Variants in CCNJL observed in about 807,000 individuals in gnomAD.
CCNJL encodes cyclin-J-like protein.
In CCNJL, 33 loss-of-function variants were observed where a neutral mutation model predicts 33.4. The ratio of observed to expected loss-of-function variants is 0.99; its 90% CI spans 0.75 to 1.32. The LOEUF (loss-of-function observed/expected upper bound fraction) is 1.32. Among genes scored for constraint, CCNJL ranks in the 40% most tolerant of loss-of-function variants. The pLI is 0.00. For missense variants in CCNJL, 512 were observed against 499.7 expected, an observed-to-expected ratio of 1.02 and a Z score of -0.23; for synonymous variants, 227 against 220.9, an observed-to-expected ratio of 1.03 and a Z score of -0.24.
intron 4 of CCNJL, 144 bp from the exon 5 acceptor site, chr5:160,255,852 A>AC (rs1761043008): frequency 4.1e-5 from 29 of 710,812 alleles, no homozygotes; most frequent in Non-Finnish European, 5.8e-5. Context: ...AGAAACTGTG[A>AC]AGTTCCATTT....
chr5:160,306,075 A>G (rs959810401), intron 2 of CCNJL, among the ~76,000 whole-genome samples: 3 of 152,018 alleles, frequency 2.0e-5, no homozygotes, highest in Non-Finnish European at 4.4e-5. Flanking sequence ...GGAGTTAGAG[A>G]CCAGCCTGGC....
intron 2 of CCNJL, among the ~76,000 whole-genome samples, chr5:160,300,809 G>A (rs969793306): frequency 6.6e-5 from 10 of 152,144 alleles, no homozygotes; most frequent in Admixed American, 2.6e-4. Context: ...ACAGGTGCAT[G>A]CCACCATGCC....
At chr5:160,333,874 G>A (rs904053143) in intron 1 of CCNJL, among the ~76,000 whole-genome samples, 3 of 152,142 alleles carry the variant, frequency 2.0e-5, no homozygotes, top group African/African-American at 4.8e-5. Context: ...CTGAGTTGGT[G>A]CCTTGCTGTT....
intron 2 of CCNJL, among the ~76,000 whole-genome samples, chr5:160,291,838 C>T (rs1464976161): frequency 2.0e-5 from 3 of 152,162 alleles, no homozygotes; most frequent in Non-Finnish European, 4.4e-5. Context: ...CAGCCAAGTG[C>T]TGGGTGTCCT....
At chr5:160,320,788 C>CTTTT (rs1763431527) in intron 1 of CCNJL, among the ~76,000 whole-genome samples, 2 of 116,320 alleles carry the variant, frequency 1.7e-5, no homozygotes, top group African/African-American at 7.1e-5. Flanking sequence ...TTCTTTCTTT[C>CTTTT]CTTTCTTTCT....
intron 2 of CCNJL, among the ~76,000 whole-genome samples, chr5:160,290,424 C>A (rs1313754102): frequency 4.6e-5 from 7 of 152,010 alleles, no homozygotes; most frequent in African/African-American, 1.7e-4. Context: ...CACCACCACA[C>A]CCGTCTAATT....
intron 1 of CCNJL, among the ~76,000 whole-genome samples, chr5:160,320,851 T>TTC (rs1241062967): frequency 9.8e-5 from 6 of 60,922 alleles, no homozygotes; most frequent in Middle Eastern, 0.01. Flanking sequence ...CTTTCTTTCC[T>TTC]TCTTTCTTTC....
rs1490900447 is a variant in CCNJL, at chr5:160,250,538, T to G, written c.*2840A>C. ...CTCAGCCCCACAGTGACACCGGCTCTCTGGGGTGGTTCTCCTGCTGGAAGC... is the reference window on the plus strand; with the variant it reads ...CTCAGCCCCACAGTGACACCGGCTCGCTGGGGTGGTTCTCCTGCTGGAAGC... On this transcript the variant is annotated 3_prime_UTR_variant, in exon 6 of 6. Coordinates refer to ENST00000257536, the MANE Select transcript of CCNJL (RefSeq NM_001308173.3). 6.6e-6 allele frequency: 1 copy of G among 152,268 alleles called. No homozygotes were observed. Among genetic ancestry groups the G allele is most frequent in the Non-Finnish European group, 1.5e-5 (1 of 68,046 alleles). 9.4% of individuals were successfully genotyped at this position (152,268 alleles called of 1,614,324 possible).
At chr5:160,256,020 C>T (rs1034619079) in intron 4 of CCNJL, among the ~76,000 whole-genome samples, 3 of 152,154 alleles carry the variant, frequency 2.0e-5, no homozygotes, top group African/African-American at 4.8e-5. Context: ...TTTTGAGTAG[C>T]TGGGACTACA....
chr5:160,262,361 G>A (rs1761376411), intron 3 of CCNJL, among the ~76,000 whole-genome samples: 1 of 152,184 alleles, frequency 6.6e-6, no homozygotes. Flanking sequence ...CCAATGGAAG[G>A]CACCAGGGAT....
At chr5:160,262,711 C>T (rs1761397634) in intron 3 of CCNJL, among the ~76,000 whole-genome samples, 1 of 152,220 alleles carries the variant, frequency 6.6e-6, no homozygotes, top group Non-Finnish European at 1.5e-5. Flanking sequence ...AGCTTCTACA[C>T]CCAGAAGCAG....
At chr5:160,298,469 G>T (rs1762819471) in intron 2 of CCNJL, among the ~76,000 whole-genome samples, 1 of 152,202 alleles carries the variant, frequency 6.6e-6, no homozygotes, top group African/African-American at 2.4e-5. Context: ...CCTGATGGAG[G>T]GACTCTTATG....
At chr5:160,286,413 G>A (rs954584424) in intron 2 of CCNJL, among the ~76,000 whole-genome samples, 2 of 152,156 alleles carry the variant, frequency 1.3e-5, no homozygotes, top group Non-Finnish European at 2.9e-5. Context: ...CAAGGTGGGC[G>A]GATCGCTTGA....
chr5:160,274,329 T>C (rs1411605386), intron 3 of CCNJL, among the ~76,000 whole-genome samples: 1 of 151,952 alleles, frequency 6.6e-6, no homozygotes, highest in Non-Finnish European at 1.5e-5. Context: ...TGTGGTGGTG[T>C]GTGCCTGTAA....
chr5:160,267,159 C>A (rs571067820), intron 3 of CCNJL, among the ~76,000 whole-genome samples: 1 of 152,176 alleles, frequency 6.6e-6, no homozygotes, highest in Non-Finnish European at 1.5e-5. Flanking sequence ...CGAGGCCCAA[C>A]GCACAGCAGG....
At chr5:160,333,124 A>AT (rs1013125021) in intron 1 of CCNJL, among the ~76,000 whole-genome samples, 405 of 143,344 alleles carry the variant, frequency 2.8e-3, no homozygotes, top group Non-Finnish European at 3.8e-3. Flanking sequence ...GTCTCTACAA[A>AT]TTTTTTTTTT....
At chr5:160,260,648 T>A (rs780446897) in intron 3 of CCNJL, among the ~76,000 whole-genome samples, 1 of 152,152 alleles carries the variant, frequency 6.6e-6, no homozygotes. Context: ...TTCCACTGCG[T>A]GAGGCTCTGC....
intron 3 of CCNJL, among the ~76,000 whole-genome samples, chr5:160,260,115 C>T (rs898304539): frequency 1.3e-5 from 2 of 152,162 alleles, no homozygotes; most frequent in African/African-American, 2.4e-5. Flanking sequence ...ACAAAGCAGC[C>T]GATAGCGGTC....
chr5:160,320,556 G>A (rs1763427418), intron 1 of CCNJL, among the ~76,000 whole-genome samples: 1 of 152,248 alleles, frequency 6.6e-6, no homozygotes, highest in African/African-American at 2.4e-5. Flanking sequence ...ACCAGCCACA[G>A]TGCCAGGAAG....
Sources: allele counts gnomAD v4.1 joint callset (sites outside exome capture counted in the v4.1 genomes callset), GRCh38; gene constraint gnomAD v4.1.1; transcripts MANE v1.5; gene names NCBI Gene and HGNC (gene_info 2026-07-23, HGNC 2026-07-21).